Variants in ATRNL1 observed in about 807,000 individuals in gnomAD.
ATRNL1 encodes the protein attractin-like protein 1.
In ATRNL1, 95 loss-of-function variants were observed where a neutral mutation model predicts 182.7. The observed-to-expected ratio is 0.52, with a 90% confidence interval of 0.44 to 0.62. The LOEUF (loss-of-function observed/expected upper bound fraction) is 0.62. Ranked by LOEUF, ATRNL1 falls within the 20% of genes least tolerant of loss-of-function variation. The probability of loss-of-function intolerance (pLI) is 0.00; values close to 1 mark genes in which losing one functional copy is unlikely to be tolerated. For synonymous variants in ATRNL1, 576 were observed against 568.3 expected, an observed-to-expected ratio of 1.01 and a Z score of -0.19; for missense variants, 1,471 against 1,679.5, an observed-to-expected ratio of 0.88 and a Z score of 2.17.
At chr10:115,442,270 GCTCTCTCTCTCT>G (rs71895625) in intron 21 of ATRNL1, among the ~76,000 whole-genome samples, 1 of 100,400 alleles carries the variant, frequency 1.0e-5, no homozygotes, top group South Asian at 3.4e-4. Context: ...ATTTGTGTTT[GCTCTCTCTCTCT>G]CTCTCTCTCT....
chr10:115,289,683 C>A (rs1455307261), intron 15 of ATRNL1, among the ~76,000 whole-genome samples: 3 of 152,160 alleles, frequency 2.0e-5, no homozygotes, highest in African/African-American at 7.2e-5. Flanking sequence ...TGTCAAAAAT[C>A]AGCTGGCTGC....
At chr10:115,887,135 A>G (rs1446681426) in intron 28 of ATRNL1, among the ~76,000 whole-genome samples, 6 of 152,164 alleles carry the variant, frequency 3.9e-5, no homozygotes, top group African/African-American at 1.2e-4. Flanking sequence ...CTGCATTTTC[A>G]AAAGATCCCT....
chr10:115,947,584 G>C lies in ATRNL1; in HGVS notation c.*2805G>C, dbSNP rs1426541756. On this transcript the variant is annotated 3_prime_UTR_variant, in exon 29 of 29. Coordinates refer to ENST00000355044, the MANE Select transcript of ATRNL1 (RefSeq NM_207303.4). ...CTCATAATTCTTTAAATGAAAATTT[G>C]TTTTAGTGATACACAGAGATGCCGT... 2 of 152,572 alleles carry C rather than the reference G, an allele frequency of 1.3e-5. No homozygotes were observed. Among genetic ancestry groups the C allele is most frequent in the Non-Finnish European group, 2.9e-5 (2 of 68,010 alleles). The allele number at this position is 152,572 out of a possible 1,614,324, so 9.5% of individuals were successfully genotyped here.
At chr10:115,464,944 T>C (rs1291818378) in intron 22 of ATRNL1, among the ~76,000 whole-genome samples, 2 of 151,732 alleles carry the variant, frequency 1.3e-5, no homozygotes, top group Admixed American at 6.6e-5. Flanking sequence ...ACCCTGTCAC[T>C]ATACCTAATA....
intron 8 of ATRNL1, among the ~76,000 whole-genome samples, chr10:115,198,110 G>C (rs1554891482): frequency 1.3e-5 from 2 of 151,946 alleles, no homozygotes; most frequent in African/African-American, 4.8e-5. Flanking sequence ...TTCCATAATG[G>C]GCGTACTTCT....
intron 3 of ATRNL1, among the ~76,000 whole-genome samples, chr10:115,122,210 G>T (rs1554871863): frequency 6.6e-6 from 1 of 151,576 alleles, no homozygotes. Context: ...TTTAAATTCT[G>T]CATAAAAGGG....
intron 26 of ATRNL1, among the ~76,000 whole-genome samples, chr10:115,725,851 A>G (rs2134056435): frequency 6.6e-6 from 1 of 152,268 alleles, no homozygotes; most frequent in East Asian, 1.9e-4. Context: ...CAGGAGCTGT[A>G]TTTTTAATAA....
chr10:115,426,277 T>C lies in ATRNL1; in HGVS notation c.3297T>C (p.Gly1099=). 3 of 1,612,216 alleles carry C rather than the reference T, an allele frequency of 1.9e-6. No individual in the cohort carries two copies. Among genetic ancestry groups the C allele is most frequent in the Non-Finnish European group, 2.5e-6 (3 of 1,178,694 alleles). ...QLCDSENRYV[G]NPLRGTCYYS... ...GTGACTCTGAAAATCGCTATGTTGG[T>C]AATCCACTTAGAGGAACATGTTATT... Residue 1099 remains glycine, a synonymous_variant, in exon 21 of 29, where the codon GGT becomes GGC. Transcript: ENST00000355044.
intron 10 of ATRNL1, among the ~76,000 whole-genome samples, chr10:115,247,525 A>G (rs1850697052): frequency 6.6e-6 from 1 of 152,208 alleles, no homozygotes. Context: ...AGACAAAAAA[A>G]TAACAAATGC....
At chr10:115,168,127 A>G (rs1463117660) in intron 7 of ATRNL1, among the ~76,000 whole-genome samples, 1 of 152,108 alleles carries the variant, frequency 6.6e-6, no homozygotes, top group Non-Finnish European at 1.5e-5. Flanking sequence ...CATAATTTCA[A>G]GGTTTATCCA....
At chr10:115,435,012 A>G (rs1237449005) in intron 21 of ATRNL1, among the ~76,000 whole-genome samples, 1 of 151,044 alleles carries the variant, frequency 6.6e-6, no homozygotes, top group African/African-American at 2.4e-5. Flanking sequence ...ACATTTTAAC[A>G]GTATTAAAAC....
chr10:115,281,697 T>A (rs1365077339), intron 14 of ATRNL1, among the ~76,000 whole-genome samples: 3 of 151,612 alleles, frequency 2.0e-5, no homozygotes, highest in African/African-American at 7.3e-5. Flanking sequence ...GTTCATATGT[T>A]TATGATACTG....
intron 9 of ATRNL1, among the ~76,000 whole-genome samples, chr10:115,221,705 C>T (rs1554897493): frequency 6.6e-6 from 1 of 152,086 alleles, no homozygotes; most frequent in African/African-American, 2.4e-5. Context: ...AATTAGATAT[C>T]CAGATGTGCC....
In ATRNL1 at chr10:115,899,783, T is replaced by C. The variant is rs111775475; in HGVS notation, c.4019-44875T>C. On this transcript the variant is annotated intron_variant, in intron 28 of 28. Coordinates refer to ENST00000355044, the MANE Select transcript of ATRNL1 (RefSeq NM_207303.4). ...CCACTTTCCTGTATTCTTGATTTCC[T>C]GTAACAAATCATCTTTGTAAAAAGA... Among the ~76,000 whole-genome samples, 1,237 of 152,324 alleles carry C rather than the reference T, an allele frequency of 8.1e-3. 22 individuals carry two copies. The highest frequency in any genetic ancestry group is 0.028 in the African/African-American group (1,163 of 41,566).
At chr10:115,718,741 T>C (rs1947329844) in intron 26 of ATRNL1, among the ~76,000 whole-genome samples, 1 of 152,242 alleles carries the variant, frequency 6.6e-6, no homozygotes, top group Non-Finnish European at 1.5e-5. Flanking sequence ...AATTCTGCAA[T>C]ATTTTTGCAT....
intron 1 of ATRNL1, among the ~76,000 whole-genome samples, chr10:115,119,262 C>T (rs1240249733): frequency 2.0e-5 from 3 of 151,946 alleles, no homozygotes; most frequent in Middle Eastern, 3.4e-3. Flanking sequence ...TAAAGTTTTT[C>T]CCCCCTAATG....
At chr10:115,673,260 G>A (rs1473348098) in intron 26 of ATRNL1, among the ~76,000 whole-genome samples, 1 of 152,036 alleles carries the variant, frequency 6.6e-6, no homozygotes, top group Non-Finnish European at 1.5e-5. Context: ...GTAAAAATAA[G>A]AAATCTGCAA....
intron 26 of ATRNL1, among the ~76,000 whole-genome samples, chr10:115,630,836 A>G (rs1555026093): frequency 1.6e-5 from 1 of 61,044 alleles, no homozygotes; most frequent in Non-Finnish European, 2.7e-5. Flanking sequence ...ATACACACAC[A>G]CACACACACA....
intron 19 of ATRNL1, among the ~76,000 whole-genome samples, chr10:115,385,047 G>T (rs1220017039): frequency 6.6e-6 from 1 of 151,812 alleles, no homozygotes; most frequent in Non-Finnish European, 1.5e-5. Context: ...TTTCTCTTGG[G>T]TAAATACTTT....
Sources: allele counts gnomAD v4.1 joint callset (sites outside exome capture counted in the v4.1 genomes callset), GRCh38; gene constraint gnomAD v4.1.1; transcripts MANE v1.5; gene names NCBI Gene and HGNC (gene_info 2026-07-23, HGNC 2026-07-21).